Variants in TBL1X observed in about 807,000 individuals in gnomAD.
TBL1X encodes transducin beta like 1 X-linked, also known as F-box-like/WD repeat-containing protein TBL1X.
Under a neutral mutation model 50.7 loss-of-function variants are expected in TBL1X, and 10 were observed. The ratio of observed to expected loss-of-function variants is 0.20; its 90% CI spans 0.12 to 0.33. The LOEUF is 0.33. Among genes scored for constraint, TBL1X ranks in the 10% least tolerant of loss-of-function variants. TBL1X has a pLI of 1.00. For missense variants in TBL1X, 340 were observed against 504.4 expected (o/e 0.67, Z 3.12); for synonymous variants, 190 against 214.7 (o/e 0.88, Z 1.01).
chrX:9,591,178 A>G (rs2146539636), intron 2 of TBL1X, among the ~76,000 whole-genome samples: 1 of 111,080 alleles, frequency 9.0e-6, no homozygotes, highest in African/African-American at 3.3e-5. Flanking sequence ...CCTCAATTTT[A>G]TGCTCTGTCA....
At chrX:9,648,703 A>G (rs983209887) in intron 3 of TBL1X, among the ~76,000 whole-genome samples, 3 of 112,497 alleles carry the variant, frequency 2.7e-5, no homozygotes, top group Non-Finnish European at 5.6e-5. Context: ...CCAGTGTGCC[A>G]TCACTCAAGC....
chrX:9,685,487 C>CT (rs375565016), intron 6 of TBL1X, among the ~76,000 whole-genome samples: 8 of 110,343 alleles, frequency 7.3e-5, no homozygotes, highest in African/African-American at 2.3e-4. Flanking sequence ...CTCTGCTTCT[C>CT]TTTCTCCTAC....
chrX:9,529,956 A>G (rs2146971817), intron 2 of TBL1X, among the ~76,000 whole-genome samples: 2 of 110,526 alleles, frequency 1.8e-5, no homozygotes, highest in East Asian at 5.7e-4. Context: ...AGAGAGAGAT[A>G]GAAAGAGAGA....
At chrX:9,597,914 C>T (rs1369785827) in intron 2 of TBL1X, among the ~76,000 whole-genome samples, 1 of 111,713 alleles carries the variant, frequency 9.0e-6, no homozygotes, top group African/African-American at 3.3e-5. Context: ...GGGCTTCATG[C>T]GTTAGTCAGT....
chrX:9,463,852 C>T (rs2081751634), upstream of TBL1X, among the ~76,000 whole-genome samples: 1 of 111,967 alleles, frequency 8.9e-6, no homozygotes, highest in Non-Finnish European at 1.9e-5. Context: ...CGACAGCGCG[C>T]CACTGCACTC....
chrX:9,625,383 A>G (rs1221248828), intron 2 of TBL1X, among the ~76,000 whole-genome samples: 4 of 112,108 alleles, frequency 3.6e-5, no homozygotes, highest in Non-Finnish European at 7.5e-5. Context: ...ACTATAAAGC[A>G]TTGTGCTCAC....
intron 1 of TBL1X, among the ~76,000 whole-genome samples, chrX:9,496,039 G>C (rs1034299834): frequency 8.9e-6 from 1 of 112,672 alleles, no homozygotes; most frequent in Admixed American, 9.4e-5. Flanking sequence ...GCTTGGCTGT[G>C]TGTGTATACA....
At chrX:9,683,708 T>C (rs997122025) in intron 5 of TBL1X, among the ~76,000 whole-genome samples, 30 of 111,291 alleles carry the variant, frequency 2.7e-4, no homozygotes, top group African/African-American at 9.8e-4. Context: ...GGAGCCAAAT[T>C]TGAGTAACAG....
intron 2 of TBL1X, among the ~76,000 whole-genome samples, chrX:9,608,592 G>GA (rs2082595887): frequency 8.9e-6 from 1 of 111,794 alleles, no homozygotes; most frequent in Admixed American, 9.5e-5. Flanking sequence ...TCTCGGTATA[G>GA]AATCTATCTA....
intron 2 of TBL1X, among the ~76,000 whole-genome samples, chrX:9,517,135 G>C (rs917441887): frequency 9.9e-5 from 11 of 111,317 alleles, no homozygotes; most frequent in African/African-American, 3.3e-4. Context: ...TAGGGCCGGA[G>C]ACAAGGCCAG....
chrX:9,713,422 TTTTC>T (rs1338772866), intron 16 of TBL1X, among the ~76,000 whole-genome samples: 13 of 64,010 alleles, frequency 2.0e-4, no homozygotes, highest in Admixed American at 4.8e-4. Flanking sequence ...TCCTTAGGAC[TTTTC>T]TTTTTTTTTT....
intron 1 of TBL1X, among the ~76,000 whole-genome samples, chrX:9,496,157 G>A (rs1050198664): frequency 5.3e-5 from 6 of 112,381 alleles, no homozygotes; most frequent in Non-Finnish European, 9.4e-5. Flanking sequence ...TCTGGAAAGC[G>A]TGCGGTGAGG....
intron 12 of TBL1X, among the ~76,000 whole-genome samples, chrX:9,704,721 CA>C (rs35199289): frequency 5.6e-4 from 54 of 96,225 alleles, no homozygotes; most frequent in Middle Eastern, 5.3e-3. Context: ...CTCGTCTCTG[CA>C]AAAAAAAAAA....
intron 2 of TBL1X, among the ~76,000 whole-genome samples, chrX:9,624,816 AC>A (rs1338691551): frequency 9.0e-6 from 1 of 110,554 alleles, no homozygotes; most frequent in Non-Finnish European, 1.9e-5. Flanking sequence ...CTACTTAGAT[AC>A]GGAAGCTGCT....
intron 2 of TBL1X, among the ~76,000 whole-genome samples, chrX:9,525,639 C>T (rs1420339021): frequency 1.8e-5 from 2 of 111,815 alleles, no homozygotes; most frequent in African/African-American, 6.5e-5. Context: ...GTTGTTTTGC[C>T]TTTGACTTTG....
intron 1 of TBL1X, among the ~76,000 whole-genome samples, chrX:9,485,301 G>A (rs754196383): frequency 1.1e-4 from 12 of 112,259 alleles, no homozygotes; most frequent in Non-Finnish European, 2.1e-4. Flanking sequence ...ATAGTTAATC[G>A]TTTGTTAGTT....
intron 2 of TBL1X, among the ~76,000 whole-genome samples, chrX:9,602,935 G>A (rs1263124051): frequency 1.8e-5 from 2 of 112,457 alleles, no homozygotes; most frequent in African/African-American, 6.5e-5. Context: ...ATCCACCTGG[G>A]AGCAGTCGTT....
At chrX:9,567,148 G>A (rs1192119344) in intron 2 of TBL1X, among the ~76,000 whole-genome samples, 2 of 111,593 alleles carry the variant, frequency 1.8e-5, no homozygotes, top group African/African-American at 6.5e-5. Flanking sequence ...CCTCTGCCAG[G>A]GGCGTGTACC....
chrX:9,696,502 T>C (rs1293266104), intron 11 of TBL1X, among the ~76,000 whole-genome samples: 2 of 112,949 alleles, frequency 1.8e-5, no homozygotes, highest in East Asian at 2.8e-4. Flanking sequence ...TGGTTCTCTA[T>C]CTTCCTAGCG....
Sources: gnomAD v4.1 joint callset for allele counts (sites outside exome capture counted in the v4.1 genomes callset) on GRCh38, gnomAD v4.1.1 for gene constraint, MANE v1.5 for transcripts, NCBI Gene and HGNC (gene_info 2026-07-23, HGNC 2026-07-21) for gene names.